CADPS: variants seen among roughly 807,000 people sequenced by gnomAD.
The protein encoded by CADPS is calcium-dependent secretion activator 1.
Under a neutral mutation model 167.3 loss-of-function variants are expected in CADPS, and 57 were observed. The ratio of observed to expected loss-of-function variants is 0.34; its 90% CI spans 0.28 to 0.42. The LOEUF is 0.42. CADPS is among the 20% of genes least tolerant of loss of function. The pLI is 1.00. For synonymous variants in CADPS, 676 were observed against 635.3 expected, an observed-to-expected ratio of 1.06 and a Z score of -0.96; for missense variants, 1,414 against 1,738.1, an observed-to-expected ratio of 0.81 and a Z score of 3.32.
intron 1 of CADPS, among the ~76,000 whole-genome samples, chr3:62,774,897 G>A (rs2089884589): frequency 1.3e-5 from 2 of 152,116 alleles, no homozygotes; most frequent in Non-Finnish European, 1.5e-5. Flanking sequence ...CCAAGTGGTG[G>A]TATTTTCTTG....
At chr3:62,853,539 C>T (rs2079034248) in intron 1 of CADPS, among the ~76,000 whole-genome samples, 1 of 150,950 alleles carries the variant, frequency 6.6e-6, no homozygotes, top group African/African-American at 2.4e-5. Context: ...GCAGGGGAAT[C>T]ACTTGAACCT....
chr3:62,645,594 G>T, intron 6 of CADPS, 128 bp downstream of exon 6: 1 of 999,726 alleles, frequency 1.0e-6, no homozygotes, highest in Non-Finnish European at 1.5e-6. Context: ...CATCTTGTTT[G>T]AAAAATAAAC....
At chr3:62,860,083 C>T (rs1035277266) in intron 1 of CADPS, among the ~76,000 whole-genome samples, 2 of 152,176 alleles carry the variant, frequency 1.3e-5, no homozygotes, top group Admixed American at 6.5e-5. Flanking sequence ...GCTACCTTTC[C>T]GATCATGTGG....
At chr3:62,615,683 C>G (rs1252752267) in intron 6 of CADPS, among the ~76,000 whole-genome samples, 1 of 152,054 alleles carries the variant, frequency 6.6e-6, no homozygotes, top group East Asian at 1.9e-4. Context: ...TATCAAGTAC[C>G]CGATGGATAC....
At chr3:62,846,224 C>A (rs1443484676) in intron 1 of CADPS, among the ~76,000 whole-genome samples, 5 of 152,088 alleles carry the variant, frequency 3.3e-5, no homozygotes, top group Non-Finnish European at 5.9e-5. Flanking sequence ...ATAAATTACC[C>A]AGTCTCAGGT....
At chr3:62,736,974 T>A (rs2079099454) in intron 3 of CADPS, among the ~76,000 whole-genome samples, 1 of 134,008 alleles carries the variant, frequency 7.5e-6, no homozygotes, top group South Asian at 2.5e-4. Context: ...CCATCTCTAT[T>A]AAAATACAAA....
Position 62,516,103 on chromosome 3 carries a change from G to C in CADPS, c.2537C>G (p.Ala846Gly). 6.2e-7 allele frequency: 1 copy of C among 1,613,292 alleles called. No homozygotes were observed. The highest frequency in any genetic ancestry group is 8.5e-7 in the Non-Finnish European group (1 of 1,179,424). The change falls in exon 16 of 30, where the codon GCG becomes GGG. Residue 846 changes from alanine to glycine, a missense_variant. Physicochemically the swap from Ala to Gly is moderately conservative, Grantham distance 60. Coordinates refer to ENST00000383710, the MANE Select transcript of CADPS (RefSeq NM_003716.4). ...TGAGAGCCGAGAATAGTTGACTAAC[G>C]CAGCCTGTTCCAGACATTTACGGAT... Reference protein sequence around the residue: ...TVIRKCLEQAALVNYSRLSEY... With the variant: ...TVIRKCLEQAGLVNYSRLSEY...
At chr3:62,528,164 C>A (rs191345359) in intron 13 of CADPS, among the ~76,000 whole-genome samples, 1 of 152,204 alleles carries the variant, frequency 6.6e-6, no homozygotes, top group Non-Finnish European at 1.5e-5. Context: ...GCCAGGTTTG[C>A]CATCTCACAC....
At chr3:62,732,913 C>T (rs2078208337) in intron 3 of CADPS, among the ~76,000 whole-genome samples, 1 of 152,202 alleles carries the variant, frequency 6.6e-6, no homozygotes, top group South Asian at 2.1e-4. Flanking sequence ...GCTCCTCCGA[C>T]ACATTCTGCT....
chr3:62,489,327 A>G (rs1043168579), intron 21 of CADPS, among the ~76,000 whole-genome samples: 1 of 152,024 alleles, frequency 6.6e-6, no homozygotes, highest in Middle Eastern at 3.4e-3. Flanking sequence ...CGCCCAGCTA[A>G]TTTTTTGTAT....
chr3:62,551,850 T>C (rs992884442), intron 10 of CADPS, among the ~76,000 whole-genome samples: 1 of 152,182 alleles, frequency 6.6e-6, no homozygotes, highest in African/African-American at 2.4e-5. Flanking sequence ...CCTTTGTATC[T>C]TTTCCTAAAC....
At chr3:62,619,465 TACATTGATATGACAAG>T (rs974835574) in intron 6 of CADPS, among the ~76,000 whole-genome samples, 2 of 152,150 alleles carry the variant, frequency 1.3e-5, no homozygotes, top group African/African-American at 4.8e-5. Context: ...ATTTTATCAA[TACATTGATATGACAAG>T]AAGATGCTCT....
chr3:62,412,282 G>A lies in CADPS; in HGVS notation c.3778-9097C>T, dbSNP rs2049115808. Among the ~76,000 whole-genome samples the A allele has an allele frequency of 6.7e-6, 1 of 150,338 alleles. No homozygotes were observed. The highest frequency in any genetic ancestry group is 1.5e-5 in the Non-Finnish European group (1 of 67,808). On this transcript the variant is annotated intron_variant, in intron 28 of 29. Transcript: ENST00000383710. This position sits in a 1 kb window ranked among gnomAD's most constrained non-coding sequence, Gnocchi z 4.1. The stretch of plus-strand genomic sequence containing the variant: ...TAAAGTTTGGACGGCAGCTCCCTGA[G>A]GACTCACTGACGGAGGAGTCTGAGA...
intron 1 of CADPS, among the ~76,000 whole-genome samples, chr3:62,777,838 A>G (rs1029123984): frequency 2.0e-5 from 3 of 152,202 alleles, no homozygotes; most frequent in Non-Finnish European, 4.4e-5. Flanking sequence ...AGAAAATTCT[A>G]TCACTCAAGC....
intron 3 of CADPS, among the ~76,000 whole-genome samples, chr3:62,682,827 A>G (rs943460773): frequency 1.3e-5 from 2 of 152,128 alleles, no homozygotes; most frequent in African/African-American, 4.8e-5. Context: ...CTAGGGAGGA[A>G]TGCAAACATT....
chr3:62,701,270 G>T (rs1361378738), intron 3 of CADPS, among the ~76,000 whole-genome samples: 4 of 152,076 alleles, frequency 2.6e-5, no homozygotes, highest in African/African-American at 9.7e-5. Context: ...CAATTTTGGG[G>T]AACCATCATT....
intron 3 of CADPS, among the ~76,000 whole-genome samples, chr3:62,682,184 G>A (rs1159200987): frequency 6.6e-6 from 1 of 152,044 alleles, no homozygotes; most frequent in East Asian, 1.9e-4. Flanking sequence ...TTTTGTGGCT[G>A]TACCACAATA....
intron 6 of CADPS, among the ~76,000 whole-genome samples, chr3:62,616,487 C>T (rs1279116989): frequency 6.6e-6 from 1 of 152,064 alleles, no homozygotes; most frequent in Non-Finnish European, 1.5e-5. Context: ...CTTCCTACAG[C>T]AGTGGTGTTC....
intron 7 of CADPS, among the ~76,000 whole-genome samples, chr3:62,587,692 C>T (rs2148669854): frequency 6.6e-6 from 1 of 152,332 alleles, no homozygotes; most frequent in East Asian, 1.9e-4. Flanking sequence ...GGGCGTGCTT[C>T]CCACTGGCAA....
Sources: gnomAD v4.1 joint callset for allele counts (sites outside exome capture counted in the v4.1 genomes callset) on GRCh38, gnomAD v4.1.1 for gene constraint, Gnocchi (gnomAD v3.1) non-coding constraint, MANE v1.5 for transcripts, NCBI Gene and HGNC (gene_info 2026-07-23, HGNC 2026-07-21) for gene names.